The following KIAA1671 variants were observed in gnomAD, a reference collection of about 807,000 sequenced individuals.
The protein encoded by KIAA1671 is uncharacterized protein KIAA1671.
KIAA1671 carries 52 observed loss-of-function variants against 131.2 expected under a neutral mutation model. That is an observed-to-expected ratio of 0.40 (90% CI 0.32 to 0.50). KIAA1671 has a LOEUF of 0.50. Ranked by LOEUF, KIAA1671 falls within the 20% of genes least tolerant of loss-of-function variation. The pLI is 0.73. For synonymous variants in KIAA1671, 1,003 were observed against 961.6 expected (o/e 1.04, Z -0.80); for missense variants, 2,360 against 2,364.2 (o/e 1.00, Z 0.04).
intron 6 of KIAA1671, among the ~76,000 whole-genome samples, chr22:25,087,607 A>C (rs776823298): frequency 6.6e-5 from 10 of 151,624 alleles, no homozygotes; most frequent in Non-Finnish European, 1.2e-4. Flanking sequence ...AACCAACCAA[A>C]CAACAACAAC....
chr22:25,031,512 A>G (rs940449466), intron 3 of KIAA1671, among the ~76,000 whole-genome samples: 5 of 151,146 alleles, frequency 3.3e-5, no homozygotes, highest in African/African-American at 1.2e-4. Flanking sequence ...TTGTATTTTT[A>G]GTAGAGACGG....
At chr22:25,178,512 G>T (rs1934125883) in intron 9 of KIAA1671, among the ~76,000 whole-genome samples, 1 of 152,280 alleles carries the variant, frequency 6.6e-6, no homozygotes, top group Admixed American at 6.5e-5. Flanking sequence ...CCCTGGTGGG[G>T]AGGGGCGGCG....
intron 6 of KIAA1671, among the ~76,000 whole-genome samples, chr22:25,095,962 T>C (rs1355784448): frequency 1.3e-5 from 2 of 152,188 alleles, no homozygotes; most frequent in East Asian, 3.9e-4. Context: ...CTGACAGCAA[T>C]AGCACTGTCC....
At chr22:24,969,053 C>A (rs895911747) in intron 1 of KIAA1671, among the ~76,000 whole-genome samples, 1 of 152,074 alleles carries the variant, frequency 6.6e-6, no homozygotes, top group African/African-American at 2.4e-5. Flanking sequence ...GTGTGTGCCA[C>A]CATGCCGGCT....
At chr22:24,976,635 T>C (rs931656219) in intron 1 of KIAA1671, among the ~76,000 whole-genome samples, 4 of 152,140 alleles carry the variant, frequency 2.6e-5, no homozygotes, top group Admixed American at 2.6e-4. Flanking sequence ...TGAAGATGCT[T>C]TCAGCACCCA....
intron 1 of KIAA1671, among the ~76,000 whole-genome samples, chr22:24,959,068 C>T (rs1921877839): frequency 6.6e-6 from 1 of 151,296 alleles, no homozygotes; most frequent in Non-Finnish European, 1.5e-5. Flanking sequence ...GAGGCTGAGA[C>T]AGGAGCATTG....
chr22:24,991,865 G>A (rs1056028162), intron 1 of KIAA1671, among the ~76,000 whole-genome samples: 15 of 152,076 alleles, frequency 9.9e-5, no homozygotes, highest in Admixed American at 8.5e-4. Context: ...TTTTAGAGCC[G>A]GGGATGAGTG....
At chr22:25,043,386 GA>G (rs1219179978) in intron 5 of KIAA1671, among the ~76,000 whole-genome samples, 4 of 151,834 alleles carry the variant, frequency 2.6e-5, no homozygotes, top group African/African-American at 2.4e-5. Context: ...CAGATGGGGG[GA>G]AAAAAACAGA....
At chr22:25,143,585 T>C (rs1932835737) in intron 6 of KIAA1671, among the ~76,000 whole-genome samples, 1 of 152,210 alleles carries the variant, frequency 6.6e-6, no homozygotes. Context: ...TCCACTCATC[T>C]GGTTCCAGCT....
chr22:25,061,649 G>A (rs891792537), intron 6 of KIAA1671: 1 of 152,268 alleles, frequency 6.6e-6, no homozygotes, highest in Non-Finnish European at 1.5e-5. Context: ...TGAAGAAACC[G>A]AGGCACAGAG....
At chr22:25,180,748 T>C (rs903411141) in intron 9 of KIAA1671, among the ~76,000 whole-genome samples, 1 of 152,192 alleles carries the variant, frequency 6.6e-6, no homozygotes, top group African/African-American at 2.4e-5. Context: ...CTTAAAGAAA[T>C]GCTTGGAGAG....
chr22:25,082,042 C>T (rs934273815), intron 6 of KIAA1671, among the ~76,000 whole-genome samples: 1 of 152,072 alleles, frequency 6.6e-6, no homozygotes, highest in Non-Finnish European at 1.5e-5. Flanking sequence ...ATGCCCTCTC[C>T]GTGCCCTCTA....
At chr22:25,024,861 A>G (rs1230905387) in intron 1 of KIAA1671, among the ~76,000 whole-genome samples, 6 of 151,164 alleles carry the variant, frequency 4.0e-5, no homozygotes, top group African/African-American at 1.5e-4. Flanking sequence ...TAAATGTAAC[A>G]GTGTAGCTAT....
chr22:24,979,487 C>A (rs1046958677), intron 1 of KIAA1671, among the ~76,000 whole-genome samples: 2 of 151,154 alleles, frequency 1.3e-5, no homozygotes, highest in African/African-American at 4.9e-5. Context: ...GTAGCTGGGA[C>A]TACAGACACC....
At chr22:25,135,937 G>T (rs1454120955) in intron 6 of KIAA1671, among the ~76,000 whole-genome samples, 1 of 152,236 alleles carries the variant, frequency 6.6e-6, no homozygotes, top group Non-Finnish European at 1.5e-5. Context: ...ACCCTGCGAG[G>T]TAGGTATTAT....
intron 4 of KIAA1671, among the ~76,000 whole-genome samples, chr22:25,037,027 T>C (rs1418487757): frequency 6.6e-6 from 1 of 152,172 alleles, no homozygotes; most frequent in Admixed American, 6.5e-5. Flanking sequence ...AATTTACGTA[T>C]TAAAATATAA....
At chr22:25,178,651 C>T (rs939403448) in intron 9 of KIAA1671, among the ~76,000 whole-genome samples, 2 of 152,214 alleles carry the variant, frequency 1.3e-5, no homozygotes, top group Non-Finnish European at 2.9e-5. Context: ...GCAGAGAATG[C>T]CCACTCCCCA....
At chr22:25,174,170 C>T in intron 7 of KIAA1671, 70 bp from the exon 8 acceptor site, 2 of 1,501,016 alleles carry the variant, frequency 1.3e-6, no homozygotes, top group Non-Finnish European at 1.8e-6. Flanking sequence ...CTGCAGCATC[C>T]TTCACTTGAA....
At chr22:25,087,781 T>C (rs181262711) in intron 6 of KIAA1671, among the ~76,000 whole-genome samples, 168 of 152,268 alleles carry the variant, frequency 1.1e-3, no homozygotes, top group African/African-American at 3.6e-3. Context: ...CATCACAAAA[T>C]AAGTCCTACT....
Sources: gnomAD v4.1 joint callset for allele counts (sites outside exome capture counted in the v4.1 genomes callset) on GRCh38, gnomAD v4.1.1 for gene constraint, MANE v1.5 for transcripts, NCBI Gene and HGNC (gene_info 2026-07-23, HGNC 2026-07-21) for gene names.